The following TMPRSS4 variants were observed in gnomAD, a reference collection of about 807,000 sequenced individuals.
TMPRSS4 encodes transmembrane protease serine 4.
Under a neutral mutation model 56.4 loss-of-function variants are expected in TMPRSS4, and 45 were observed. The observed-to-expected ratio is 0.80, with a 90% CI of 0.63 to 1.02. The LOEUF (loss-of-function observed/expected upper bound fraction) is 1.02, where lower values mean the gene tolerates loss of function less well. Among genes scored for constraint, TMPRSS4 ranks in the 50% least tolerant of loss-of-function variants. The pLI, the probability that TMPRSS4 is intolerant of heterozygous loss-of-function variation, is 0.00. For missense variants in TMPRSS4, 546 were observed against 556.7 expected (o/e 0.98, Z 0.19); for synonymous variants, 205 against 211.0 (o/e 0.97, Z 0.25).
rs1944722525 is a variant in TMPRSS4 at position 118,077,176 on chromosome 11, C to A, written c.-127C>A. The A allele has an allele frequency of 1.6e-6, 2 of 1,239,936 alleles. No individual in the cohort carries two copies. Among genetic ancestry groups the A allele is most frequent in the Non-Finnish European group, 1.1e-6 (1 of 884,412 alleles). The allele number at this position is 1,239,936 out of a possible 1,614,324, so 76.8% of individuals were successfully genotyped here. A position where few individuals can be genotyped will look rare whatever the true frequency, so the allele number is the denominator to read the frequency against. ...TGCCCTGCACTCGGGCCTCCTCCAG[C>A]CAGTGCTGACCAGGGACTTCTGACC... On this transcript the variant is annotated 5_prime_UTR_variant, in exon 1 of 13. Coordinates refer to ENST00000437212, the MANE Select transcript of TMPRSS4 (RefSeq NM_019894.4).
At chr11:118,116,834 C>T (rs1947582667) in intron 11 of TMPRSS4, among the ~76,000 whole-genome samples, 2 of 151,310 alleles carry the variant, frequency 1.3e-5, no homozygotes, top group South Asian at 4.2e-4. Context: ...ACCTCAGCCT[C>T]CTGAGTAGCT....
In TMPRSS4 at chr11:118,119,563, TG is replaced by T. The variant is rs1947717619; in HGVS notation, c.*1651del. ...TAATAAGCAATATTTGCAGAGTATT[TG>T]TATGTGCCAGACACTATTGTAAGTG... On this transcript the variant is annotated 3_prime_UTR_variant, in exon 13 of 13. Transcript: ENST00000437212. 6.2e-6 allele frequency: 1 copy of T among 160,566 alleles called. No homozygotes were observed. The highest frequency in any genetic ancestry group is 1.9e-4 in the East Asian group (1 of 5,248). 9.9% of individuals were successfully genotyped at this position (160,566 alleles called of 1,614,324 possible).
intron 6 of TMPRSS4, chr11:118,108,536 C>T (rs754725629): frequency 3.8e-5 from 13 of 342,508 alleles, no homozygotes; most frequent in Non-Finnish European, 4.2e-5. Flanking sequence ...ATTTGGAAAG[C>T]CCACAGTGTC....
At chr11:118,115,788 A>G (rs1382174457) in intron 11 of TMPRSS4, among the ~76,000 whole-genome samples, 1 of 152,136 alleles carries the variant, frequency 6.6e-6, no homozygotes, top group African/African-American at 2.4e-5. Flanking sequence ...GCGCCACTGC[A>G]CTCCAGCCTG....
At chr11:118,091,632 T>C (rs1945972104) in intron 1 of TMPRSS4, among the ~76,000 whole-genome samples, 1 of 152,236 alleles carries the variant, frequency 6.6e-6, no homozygotes, top group South Asian at 2.1e-4. Context: ...CTTTGAATCC[T>C]CCTGGAGTAG....
chr11:118,091,619 T>C (rs1326271663), intron 1 of TMPRSS4, among the ~76,000 whole-genome samples: 2 of 152,222 alleles, frequency 1.3e-5, no homozygotes, highest in Non-Finnish European at 1.5e-5. Flanking sequence ...TTTCTTGATC[T>C]GTCTTTGAAT....
intron 8 of TMPRSS4, 54 bp from the exon 9 acceptor site, chr11:118,113,215 G>A: frequency 6.5e-7 from 1 of 1,547,956 alleles, no homozygotes; most frequent in Non-Finnish European, 8.8e-7. Flanking sequence ...CCAGCCTTTG[G>A]CAAAGTCTCC....
Position 118,107,726 on chromosome 11 carries a change from A to G in TMPRSS4, c.441-48A>G, listed in dbSNP as rs925256401. The G allele has an allele frequency of 4.5e-6, 7 of 1,550,360 alleles. No individual in the cohort carries two copies. In the African/African-American group the frequency reaches 8.2e-5, roughly 18 times the overall value. ...GGGGCCAACTCTACCATCTTGTTCT[A>G]ACCCCCTGCCCCAGCTCACAACTCT... On this transcript the variant is annotated intron_variant, in intron 5 of 12. Transcript: ENST00000437212.
chr11:118,103,607 C>G (rs952389286), intron 4 of TMPRSS4, among the ~76,000 whole-genome samples: 21 of 152,278 alleles, frequency 1.4e-4, no homozygotes, highest in African/African-American at 5.1e-4. Flanking sequence ...ATCTTGAACT[C>G]CTGACCTCAG....
At chr11:118,093,825 C>CA (rs1555083613) in intron 1 of TMPRSS4, among the ~76,000 whole-genome samples, 85 of 151,402 alleles carry the variant, frequency 5.6e-4, no homozygotes, top group Non-Finnish European at 8.8e-4. Flanking sequence ...ACTGCCCCCC[C>CA]CAATGGTAAC....
intron 2 of TMPRSS4, among the ~76,000 whole-genome samples, chr11:118,097,511 A>G (rs574572772): frequency 4.6e-5 from 7 of 152,234 alleles, no homozygotes; most frequent in African/African-American, 1.7e-4. Context: ...CATCTCCCCC[A>G]GGGCAGAAGT....
rs2276122 is a variant in TMPRSS4 at position 118,094,815 on chromosome 11, A to C, written c.4-1A>C. 5.0e-6 allele frequency: 8 copies of C among 1,610,214 alleles called. No homozygotes were observed. The South Asian group carries it at 8.9e-5, about 18-fold the overall frequency. On this transcript the variant is annotated splice_acceptor_variant, in intron 1 of 12. Transcript: ENST00000437212. LOFTEE classifies it high-confidence loss of function. ...CAACTCACTGACTGTTTTTCCTTCAATTACAGGATCCTGACAGTGATCAAC... is the reference window on the plus strand; with the variant it reads ...CAACTCACTGACTGTTTTTCCTTCACTTACAGGATCCTGACAGTGATCAAC...
At chr11:118,115,042 G>A (rs1198146539) in intron 10 of TMPRSS4, 96 bp from the exon 11 acceptor site, 6 of 1,552,590 alleles carry the variant, frequency 3.9e-6, no homozygotes, top group Middle Eastern at 1.7e-4. Flanking sequence ...GGAGGACCAA[G>A]CACCAAGGCG....
chr11:118,098,931 G>A, intron 2 of TMPRSS4, 54 bp from the exon 3 acceptor site: 3 of 1,433,782 alleles, frequency 2.1e-6, no homozygotes, highest in Middle Eastern at 1.8e-4. Flanking sequence ...TTGGCTCAGG[G>A]ATCACCAAGT....
At chr11:118,102,415 T>G (rs1208808881) in intron 3 of TMPRSS4, among the ~76,000 whole-genome samples, 2 of 152,168 alleles carry the variant, frequency 1.3e-5, no homozygotes, top group Non-Finnish European at 2.9e-5. Flanking sequence ...CCATATAAAG[T>G]TGCACAGTAA....
At chr11:118,087,804 G>A (rs531995149) in intron 1 of TMPRSS4, 3 of 152,420 alleles carry the variant, frequency 2.0e-5, no homozygotes, top group African/African-American at 7.2e-5. Flanking sequence ...TAGGAATAAA[G>A]GAAGAAGAGG....
intron 11 of TMPRSS4, 131 bp downstream of exon 11, chr11:118,115,411 G>A: frequency 2.6e-6 from 3 of 1,136,034 alleles, no homozygotes; most frequent in South Asian, 1.6e-5. Flanking sequence ...GATGATGGGA[G>A]GAAGAGAGGG....
rs779673561 is a variant in TMPRSS4, at chr11:118,104,831, TG to T, written c.440+14del. 131 of 1,565,060 alleles carry T rather than the reference TG, an allele frequency of 8.4e-5. No individual in the cohort carries two copies. The South Asian group carries it at 1.5e-3, about 18-fold the overall frequency. ...GATGGGCTACAGCAGGTAACCAACC[TG>T]GGCCTCTCTCCTTTTTCCCTCCTTC... On this transcript the variant is annotated intron_variant, in intron 5 of 12. Transcript: ENST00000437212.
At chr11:118,113,987 TC>T (rs2135454796) in intron 9 of TMPRSS4, among the ~76,000 whole-genome samples, 1 of 152,404 alleles carries the variant, frequency 6.6e-6, no homozygotes, top group South Asian at 2.1e-4. Flanking sequence ...GATTCCATTG[TC>T]AAATAAGTTT....
Sources: allele counts gnomAD v4.1 joint callset (sites outside exome capture counted in the v4.1 genomes callset), GRCh38; gene constraint gnomAD v4.1.1; transcripts MANE v1.5; gene names NCBI Gene and HGNC (gene_info 2026-07-23, HGNC 2026-07-21).